BRWD1: variants seen among roughly 807,000 people sequenced by gnomAD.
The protein encoded by BRWD1 is bromodomain and WD repeat-containing protein 1.
A neutral mutation model predicts 251.2 loss-of-function variants in BRWD1; 82 were observed. The ratio of observed to expected loss-of-function variants is 0.33; its 90% CI spans 0.27 to 0.39. The LOEUF (loss-of-function observed/expected upper bound fraction) is 0.39, where lower values mean the gene tolerates loss of function less well. Ranked by LOEUF, BRWD1 falls within the 10% of genes least tolerant of loss-of-function variation. The pLI is 1.00. For synonymous variants in BRWD1, 918 were observed against 902.8 expected (o/e 1.02, Z -0.30); for missense variants, 2,233 against 2,711.6 (o/e 0.82, Z 3.92).
At chr21:39,270,145 T>G (rs2035053216) in intron 14 of BRWD1, 112 bp from the exon 15 acceptor site, 2 of 1,206,136 alleles carry the variant, frequency 1.7e-6, no homozygotes, top group African/African-American at 3.1e-5. Flanking sequence ...GACAATAATT[T>G]ATAATTATAA....
At chr21:39,184,285 T>C (rs2031083687), downstream of BRWD1, 1 of 152,246 alleles carries the variant, frequency 6.6e-6, no homozygotes, top group African/African-American at 2.4e-5. Flanking sequence ...AAAAATAGTG[T>C]TTTAAAGTTG....
At position 39,193,576 on chromosome 21, in the gene BRWD1, T is replaced by C. The variant is rs545374452; in HGVS notation, c.*2683A>G. On this transcript the variant is annotated 3_prime_UTR_variant, in exon 41 of 41. Transcript: ENST00000342449. ...GTAAAACCATAAATGAATAAAACCA[T>C]AGGACTTTGGACATACACAACCAAA... 2 of 985,294 alleles carry C rather than the reference T, an allele frequency of 2.0e-6. No homozygotes were observed. Among genetic ancestry groups the C allele is most frequent in the East Asian group, 2.3e-4 (2 of 8,814 alleles). The allele number at this position is 985,294 out of a possible 1,614,324, so 61.0% of individuals were successfully genotyped here.
In BRWD1 at chr21:39,292,122, TGGGTGGGGGTGGGGG is replaced by T. The variant is rs953629110; in HGVS notation, c.831+1674_831+1688del. Among the ~76,000 whole-genome samples the T allele has an allele frequency of 3.2e-3, 7 of 2,184 alleles. 2 individuals carry two copies. The highest frequency in any genetic ancestry group is 6.4e-3 in the Non-Finnish European group (6 of 934). The allele number at this position is 2,184 out of a possible 152,430, so 1.4% of individuals were successfully genotyped here. On this transcript the variant is annotated intron_variant, in intron 8 of 40. Transcript: ENST00000342449. ...TTGCCAAACTATTTTTTGTGGGGGG[TGGGTGGGGGTGGGGG>T]GGGGGGTCTCACTAAGTTGCCCAGG...
rs566751465 is a variant in BRWD1 at position 39,305,111 on chromosome 21, C to A, written c.199-6529G>T. On this transcript the variant is annotated intron_variant, in intron 4 of 40. Coordinates refer to ENST00000342449, the MANE Select transcript of BRWD1 (RefSeq NM_033656.4). ...AGTAGCTGGGACTACAGGCATGTAC[C>A]ACCATGCCTGGCTAATTTTTCTATT... is the stretch of plus-strand genomic sequence containing the variant. Among the ~76,000 whole-genome samples the A allele has an allele frequency of 4.6e-5, 7 of 152,118 alleles. No homozygotes were observed. In the South Asian group the frequency reaches 1.0e-3, roughly 23 times the overall value.
chr21:39,278,846 A>G (rs2146697921), intron 9 of BRWD1, 33 bp from the exon 10 acceptor site: 1 of 1,481,948 alleles, frequency 6.7e-7, no homozygotes, highest in East Asian at 2.3e-5. Context: ...TTTAAAATAG[A>G]TTATTTTACC....
At chr21:39,250,924 G>A in intron 19 of BRWD1, 35 bp from the exon 20 acceptor site, 2 of 1,244,592 alleles carry the variant, frequency 1.6e-6, no homozygotes, top group Non-Finnish European at 2.3e-6. Context: ...ATTAACTACT[G>A]AACTGATGGA....
At chr21:39,225,299 G>T in intron 27 of BRWD1, 102 bp from the exon 28 acceptor site, 3 of 766,606 alleles carry the variant, frequency 3.9e-6, no homozygotes, top group Non-Finnish European at 6.3e-6. Flanking sequence ...AAAGCCAAAA[G>T]CACAATACAA....
intron 29 of BRWD1, among the ~76,000 whole-genome samples, chr21:39,221,580 G>T (rs541931216): frequency 1.0e-3 from 157 of 152,172 alleles, no homozygotes; most frequent in African/African-American, 3.4e-3. Context: ...ACCATTTAAG[G>T]GAACAGAAGA....
intron 5 of BRWD1, chr21:39,296,733 T>A: frequency 1.3e-6 from 1 of 752,514 alleles, no homozygotes; most frequent in Non-Finnish European, 1.5e-6. Flanking sequence ...AGCAAATGAT[T>A]GGTAAAAGAT....
At chr21:39,205,353 T>C (rs745412294) in intron 37 of BRWD1, among the ~76,000 whole-genome samples, 1 of 139,648 alleles carries the variant, frequency 7.2e-6, no homozygotes, top group Non-Finnish European at 1.6e-5. Context: ...GACACACCCC[T>C]GTTATCCCAA....
chr21:39,194,566 A>T lies in BRWD1; in HGVS notation c.*1693T>A. On this transcript the variant is annotated 3_prime_UTR_variant, in exon 41 of 41. Coordinates refer to ENST00000342449, the MANE Select transcript of BRWD1 (RefSeq NM_033656.4). ...TGAGAGGAGGTTTCCCACCTATCTC[A>T]GTTGATAATGTCCAAAAACATCCTT... 2.7e-6 allele frequency: 4 copies of T among 1,458,682 alleles called. No individual in the cohort carries two copies. In the East Asian group the frequency reaches 9.9e-5, roughly 36 times the overall value. 90.4% of individuals were successfully genotyped at this position (1,458,682 alleles called of 1,614,324 possible). A position where few individuals can be genotyped will look rare whatever the true frequency, so the allele number is the denominator to read the frequency against.
Position 39,190,603 on chromosome 21 carries a change from A to G in BRWD1, c.*5656T>C. On this transcript the variant is annotated 3_prime_UTR_variant, in exon 41 of 41. Transcript: ENST00000342449. ...TCTCTCCTCTGTCTGCCCTTCATTG[A>G]TAAGCAATGAAATGACCCCAAAACT... is the stretch of plus-strand genomic sequence containing the variant. 1 of 985,178 alleles carries G rather than the reference A, an allele frequency of 1.0e-6. No individual in the cohort carries two copies. The highest frequency in any genetic ancestry group is 1.2e-6 in the Non-Finnish European group (1 of 829,756). The allele number at this position is 985,178 out of a possible 1,614,324, so 61.0% of individuals were successfully genotyped here. A position where few individuals can be genotyped will look rare whatever the true frequency, so the allele number is the denominator to read the frequency against.
chr21:39,255,613 G>C (rs1396237898), intron 19 of BRWD1, 32 bp downstream of exon 19: 1 of 1,548,918 alleles, frequency 6.5e-7, no homozygotes, highest in Admixed American at 1.7e-5. Context: ...TTCACAGATA[G>C]AAACATTATA....
chr21:39,224,269 T>C, intron 29 of BRWD1, 139 bp downstream of exon 29: 1 of 496,492 alleles, frequency 2.0e-6, no homozygotes, highest in Non-Finnish European at 3.5e-6. Context: ...GATGCTGTTG[T>C]CTTCTTTCAG....
intron 30 of BRWD1, 27 bp from the exon 31 acceptor site, chr21:39,218,299 A>T: frequency 6.3e-7 from 1 of 1,583,646 alleles, no homozygotes; most frequent in Non-Finnish European, 8.5e-7. Context: ...GAGAGTTTTT[A>T]ATCAATAAAT....
intron 4 of BRWD1, among the ~76,000 whole-genome samples, chr21:39,307,228 T>C (rs990627146): frequency 6.6e-6 from 1 of 152,240 alleles, no homozygotes; most frequent in Admixed American, 6.5e-5. Flanking sequence ...CATTTTTCAC[T>C]ACACTTAGAA....
rs2031802931 is a variant in BRWD1, at chr21:39,196,222, TC to T, written c.*36del. ...AGCCAGCTTTCACCATAAATGCCAG[TC>T]CATTTCCTCTTAAATGAACTGGCTT... On this transcript the variant is annotated 3_prime_UTR_variant, in exon 41 of 41. Transcript: ENST00000342449. 1 of 1,517,184 alleles carries T rather than the reference TC, an allele frequency of 6.6e-7. No individual in the cohort carries two copies. Among genetic ancestry groups the T allele is most frequent in the Admixed American group, 2.3e-5 (1 of 43,432 alleles). The allele number at this position is 1,517,184 out of a possible 1,614,324, so 94.0% of individuals were successfully genotyped here. A position where few individuals can be genotyped will look rare whatever the true frequency, so the allele number is the denominator to read the frequency against.
intron 35 of BRWD1, among the ~76,000 whole-genome samples, chr21:39,210,431 C>G (rs1473258158): frequency 1.3e-5 from 2 of 152,182 alleles, no homozygotes; most frequent in Non-Finnish European, 2.9e-5. Context: ...TATAATCCAA[C>G]TTTTTTTATA....
In BRWD1 at chr21:39,210,769, A is replaced by G. The variant is rs1052800660; in HGVS notation, c.4044+17T>C. On this transcript the variant is annotated intron_variant, in intron 35 of 40. Transcript: ENST00000342449. ...AAAACAAGAAAAGCCCCAAACATTTAAACAATGGAAACTTACTGGATATTC... is the reference window on the plus strand; with the variant it reads ...AAAACAAGAAAAGCCCCAAACATTTGAACAATGGAAACTTACTGGATATTC... The G allele has an allele frequency of 6.3e-7, 1 of 1,593,340 alleles. No homozygotes were observed. The highest frequency in any genetic ancestry group is 8.5e-7 in the Non-Finnish European group (1 of 1,173,444).
Sources: allele counts gnomAD v4.1 joint callset (sites outside exome capture counted in the v4.1 genomes callset), GRCh38; gene constraint gnomAD v4.1.1; transcripts MANE v1.5; gene names NCBI Gene and HGNC (gene_info 2026-07-23, HGNC 2026-07-21).